SMARCA1: variants seen among roughly 807,000 people sequenced by gnomAD.
The protein encoded by SMARCA1 is SWI/SNF-related matrix-associated actin-dependent regulator of chromatin subfamily A member 1.
Under a neutral mutation model 93.6 loss-of-function variants are expected in SMARCA1, and 17 were observed. The ratio of observed to expected loss-of-function variants is 0.18; its 90% CI spans 0.12 to 0.27. The LOEUF (loss-of-function observed/expected upper bound fraction) is 0.27. Among genes scored for constraint, SMARCA1 ranks in the 10% least tolerant of loss-of-function variants. The pLI is 1.00. For synonymous variants in SMARCA1, 271 were observed against 271.4 expected (o/e 1.00, Z 0.01); for missense variants, 630 against 819.0 (o/e 0.77, Z 2.82).
At position 129,453,699 on chromosome X, in the gene SMARCA1, C is replaced by T. The variant is rs897388123; in HGVS notation, c.3031-5256G>A. On this transcript the variant is annotated intron_variant, in intron 23 of 24. Transcript: ENST00000371121. ...GTGAACTCCAACTCACAATTGCTACCAGGAGAATAAAACACCTAGGAATGC... is the reference window on the plus strand; with the variant it reads ...GTGAACTCCAACTCACAATTGCTACTAGGAGAATAAAACACCTAGGAATGC... 4.5e-5 allele frequency among the ~76,000 whole-genome samples: 5 copies of T among 111,009 alleles called. No individual in the cohort carries two copies. In the Admixed American group the frequency reaches 4.8e-4, roughly 11 times the overall value.
chrX:129,516,521 G>T, intron 2 of SMARCA1, 24 bp from the exon 3 acceptor site: 1 of 1,164,427 alleles, frequency 8.6e-7, no homozygotes, highest in Non-Finnish European at 1.2e-6. Context: ...CAAAAGAAAA[G>T]TAAGGACTTT....
intron 23 of SMARCA1, among the ~76,000 whole-genome samples, chrX:129,451,571 C>T (rs963894894): frequency 9.0e-6 from 1 of 111,477 alleles, no homozygotes; most frequent in Non-Finnish European, 1.9e-5. Context: ...TTCCTTTTAA[C>T]CTGTCAATAA....
chrX:129,518,503 G>A (rs1935280230), intron 1 of SMARCA1, 56 bp from the exon 2 acceptor site: 2 of 703,423 alleles, frequency 2.8e-6, no homozygotes, highest in African/African-American at 2.2e-5. Flanking sequence ...TTCTTAAACT[G>A]GTCAATGCTC....
At chrX:129,503,618 G>C in intron 9 of SMARCA1, among the ~76,000 whole-genome samples, 1 of 111,432 alleles carries the variant, frequency 9.0e-6, no homozygotes, top group Non-Finnish European at 1.9e-5. Flanking sequence ...AAGTACAGAA[G>C]GATTAACATG....
intron 17 of SMARCA1, among the ~76,000 whole-genome samples, chrX:129,482,387 T>G (rs773394540): frequency 9.0e-6 from 1 of 110,867 alleles, no homozygotes; most frequent in Admixed American, 9.6e-5. Flanking sequence ...AAGGGGTAAA[T>G]AATAAATGTC....
At chrX:129,473,292 A>C (rs1317843427) in intron 19 of SMARCA1, among the ~76,000 whole-genome samples, 1 of 111,574 alleles carries the variant, frequency 9.0e-6, no homozygotes, top group Non-Finnish European at 1.9e-5. Flanking sequence ...CATAATCTAG[A>C]AATGACGCAT....
Position 129,480,746 on chromosome X carries a change from G to A in SMARCA1, c.2397C>T (p.Leu799=). The change falls in exon 19 of 25, where the codon CTC becomes CTT. Residue 799 remains leucine (L), a synonymous_variant. Transcript: ENST00000371121. The part of the protein sequence containing the change: ...FQFFPPRLFE[L]LEKEILYYRK... ...GATAATAAAGAATTTCCTTTTCCAG[G>A]AGCTCAAATAAGCGTGGTGGGAAAA... 1 of 1,133,824 alleles carries A rather than the reference G, an allele frequency of 8.8e-7. No homozygotes were observed. The highest frequency in any genetic ancestry group is 1.2e-6 in the Non-Finnish European group (1 of 863,311). The allele number at this position is 1,133,824 out of a possible 1,213,427, so 93.4% of individuals were successfully genotyped here. A position where few individuals can be genotyped will look rare whatever the true frequency, so the allele number is the denominator to read the frequency against.
chrX:129,520,151 G>GTT (rs1238050511), intron 1 of SMARCA1, among the ~76,000 whole-genome samples: 1 of 108,362 alleles, frequency 9.2e-6, no homozygotes, highest in Non-Finnish European at 1.9e-5. Context: ...GTGTGTGTGT[G>GTT]TGTGTGTGTG....
rs1363265931 is a variant in SMARCA1 at position 129,516,377 on chromosome X, G to A, written c.382C>T (p.Pro128Ser). 8.3e-7 allele frequency: 1 copy of A among 1,207,932 alleles called. No homozygotes were observed. Among genetic ancestry groups the A allele is most frequent in the East Asian group, 3.0e-5 (1 of 33,735 alleles). ...TGCTTTTCATCTTTCTTTATTCGGG[G>A]ACGTCCCAATTTCATGTTCAGTGGA... ...TSPLNMKLGR[P>S]RIKKDEKQSL... Residue 128 changes from proline to serine, a missense_variant, in exon 3 of 25, where the codon CCC becomes TCC. Around this residue, in one of 4 missense-constraint regions of SMARCA1, gnomAD observed 382 missense variants for 537.9 expected, o/e 0.71. Coordinates refer to ENST00000371121, the MANE Select transcript of SMARCA1 (RefSeq NM_001282874.2).
At chrX:129,471,458 G>A (rs1933121853) in intron 19 of SMARCA1, 132 bp from the exon 20 acceptor site, 1 of 420,168 alleles carries the variant, frequency 2.4e-6, no homozygotes, top group Non-Finnish European at 3.9e-6. Context: ...ATGACACACG[G>A]TCCTCTCCAC....
intron 23 of SMARCA1, among the ~76,000 whole-genome samples, chrX:129,462,018 G>A (rs1451108677): frequency 1.8e-5 from 2 of 111,768 alleles, no homozygotes; most frequent in African/African-American, 6.5e-5. Context: ...GCGGAAGTTC[G>A]TGCCTTTATG....
chrX:129,457,571 C>A (rs1159439296), intron 23 of SMARCA1, among the ~76,000 whole-genome samples: 1 of 112,098 alleles, frequency 8.9e-6, no homozygotes, highest in Non-Finnish European at 1.9e-5. Context: ...GAGAAAGGAA[C>A]TTTTAAGTCA....
Position 129,508,022 on chromosome X carries a change from T to C in SMARCA1, c.885A>G (p.Lys295=). The C allele has an allele frequency of 8.5e-7, 1 of 1,180,847 alleles. No homozygotes were observed. ...GAAACTTTTTGAATACAGATTTTTCTTTAATTACCATCTCATAAGAAGTAA... is the reference window on the plus strand; with the variant it reads ...GAAACTTTTTGAATACAGATTTTTCCTTAATTACCATCTCATAAGAAGTAA... ...VCVTSYEMVI[K]EKSVFKKFHW... The change falls in exon 7 of 25, where the codon AAA becomes AAG. Residue 295 remains lysine, a synonymous_variant. Transcript: ENST00000371121.
intron 17 of SMARCA1, among the ~76,000 whole-genome samples, chrX:129,484,012 A>G (rs1219609361): frequency 2.7e-5 from 3 of 112,400 alleles, no homozygotes; most frequent in Non-Finnish European, 5.6e-5. Flanking sequence ...TCAGAAAAAA[A>G]TGTGATTCTG....
intron 5 of SMARCA1, among the ~76,000 whole-genome samples, chrX:129,513,439 G>A (rs1266837336): frequency 9.3e-6 from 1 of 107,779 alleles, no homozygotes; most frequent in Non-Finnish European, 1.9e-5. Context: ...GAGGAGAACC[G>A]CTTGAACCCG....
chrX:129,487,149 A>T lies in SMARCA1; in HGVS notation c.2098-12T>A. ...TTCATCTCTGCAGTCTAAAGGTGAAAACATTGAAATGAGAAAATTATCACT... is the reference window on the plus strand; with the variant it reads ...TTCATCTCTGCAGTCTAAAGGTGAATACATTGAAATGAGAAAATTATCACT... On this transcript the variant is annotated splice_polypyrimidine_tract_variant and intron_variant, in intron 16 of 24. Coordinates refer to ENST00000371121, the MANE Select transcript of SMARCA1 (RefSeq NM_001282874.2). 1 of 1,124,633 alleles carries T rather than the reference A, an allele frequency of 8.9e-7. No homozygotes were observed. Among genetic ancestry groups the T allele is most frequent in the Non-Finnish European group, 1.2e-6 (1 of 843,169 alleles). The allele number at this position is 1,124,633 out of a possible 1,213,427, so 92.7% of individuals were successfully genotyped here. A position where few individuals can be genotyped will look rare whatever the true frequency, so the allele number is the denominator to read the frequency against.
chrX:129,459,979 G>A (rs1179190516), intron 23 of SMARCA1, among the ~76,000 whole-genome samples: 3 of 110,302 alleles, frequency 2.7e-5, no homozygotes, highest in Admixed American at 9.6e-5. Context: ...GTGAGACCCC[G>A]TCTTCACAAA....
At chrX:129,497,344 A>G (rs1321159386) in intron 11 of SMARCA1, among the ~76,000 whole-genome samples, 1 of 111,254 alleles carries the variant, frequency 9.0e-6, no homozygotes, top group Non-Finnish European at 1.9e-5. Context: ...TCTGCCTTCA[A>G]AATAAAAGTC....
At chrX:129,501,603 CT>C (rs1272204215) in intron 9 of SMARCA1, among the ~76,000 whole-genome samples, 1 of 103,090 alleles carries the variant, frequency 9.7e-6, no homozygotes, top group Non-Finnish European at 2.0e-5. Flanking sequence ...GCCCGCCAAA[CT>C]TTTTTTGGGG....
Sources: gnomAD v4.1 joint callset for allele counts (sites outside exome capture counted in the v4.1 genomes callset) on GRCh38, gnomAD v4.1.1 for gene constraint, gnomAD v4.1.1 regional missense constraint, MANE v1.5 for transcripts, NCBI Gene and HGNC (gene_info 2026-07-23, HGNC 2026-07-21) for gene names.